The following RNF144A variants were observed in gnomAD, a reference collection of about 807,000 sequenced individuals.
The protein encoded by RNF144A is ring finger protein 144A.
A neutral mutation model predicts 38.7 loss-of-function variants in RNF144A; 11 were observed. That is an observed-to-expected ratio of 0.28 (90% CI 0.18 to 0.47). The LOEUF (loss-of-function observed/expected upper bound fraction) is 0.47. Ranked by LOEUF, RNF144A falls within the 20% of genes least tolerant of loss-of-function variation. The pLI is 0.99. For missense variants in RNF144A, 316 were observed against 377.2 expected (o/e 0.84, Z 1.34); for synonymous variants, 149 against 143.9 (o/e 1.04, Z -0.25).
At chr2:7,035,026 G>A (rs1010080996) in intron 8 of RNF144A, among the ~76,000 whole-genome samples, 3 of 152,202 alleles carry the variant, frequency 2.0e-5, no homozygotes, top group South Asian at 2.1e-4. Context: ...GACTTCTGCT[G>A]AGCCTCTTGG....
At chr2:6,929,931 G>A (rs1266554550) in intron 1 of RNF144A, among the ~76,000 whole-genome samples, 1 of 152,192 alleles carries the variant, frequency 6.6e-6, no homozygotes, top group Non-Finnish European at 1.5e-5. Flanking sequence ...CTGCAGGAAG[G>A]AAATAAATAT....
intron 3 of RNF144A, among the ~76,000 whole-genome samples, chr2:7,006,342 A>T (rs1670439459): frequency 6.6e-6 from 1 of 152,190 alleles, no homozygotes; most frequent in Non-Finnish European, 1.5e-5. Context: ...TTAACAAGAA[A>T]TGACAGTTTG....
intron 3 of RNF144A, among the ~76,000 whole-genome samples, chr2:6,997,746 G>A (rs1408271671): frequency 2.0e-5 from 3 of 152,188 alleles, no homozygotes; most frequent in Non-Finnish European, 4.4e-5. Context: ...AAAAGAAAAT[G>A]AGTGCATAGA....
chr2:7,065,467 G>A (rs984194391), intron 6 of RNF144A, among the ~76,000 whole-genome samples: 1 of 152,338 alleles, frequency 6.6e-6, no homozygotes, highest in Admixed American at 6.5e-5. Context: ...GTGGAAAAAG[G>A]ATGCTGGAAA....
At chr2:7,050,054 T>G (rs1673456038) in intron 6 of RNF144A, among the ~76,000 whole-genome samples, 1 of 152,222 alleles carries the variant, frequency 6.6e-6, no homozygotes, top group South Asian at 2.1e-4. Context: ...GTCATGACTT[T>G]GAAGGAAGAA....
downstream of RNF144A, among the ~76,000 whole-genome samples, chr2:7,069,502 C>A (rs1252587930): frequency 6.6e-6 from 1 of 152,134 alleles, no homozygotes; most frequent in Non-Finnish European, 1.5e-5. Flanking sequence ...TCCCCTGTCT[C>A]TTTGTTGTTG....
chr2:7,061,720 G>A (rs548557372), intron 6 of RNF144A, among the ~76,000 whole-genome samples: 14 of 152,140 alleles, frequency 9.2e-5, no homozygotes, highest in Non-Finnish European at 1.8e-4. Context: ...CTTTGGTAAC[G>A]ATGGCATTGC....
intron 1 of RNF144A, among the ~76,000 whole-genome samples, chr2:6,928,580 G>C (rs907186230): frequency 1.3e-5 from 2 of 152,164 alleles, no homozygotes; most frequent in Non-Finnish European, 2.9e-5. Context: ...TCTAGCCCAC[G>C]TACTGCTGTC....
At chr2:6,978,365 A>G (rs986859142) in intron 2 of RNF144A, among the ~76,000 whole-genome samples, 2 of 152,190 alleles carry the variant, frequency 1.3e-5, no homozygotes, top group Non-Finnish European at 2.9e-5. Flanking sequence ...TATCATTTCA[A>G]CAAGATCCTT....
At chr2:7,030,873 A>G (rs1335902457) in intron 8 of RNF144A, among the ~76,000 whole-genome samples, 1 of 151,980 alleles carries the variant, frequency 6.6e-6, no homozygotes, top group Non-Finnish European at 1.5e-5. Context: ...AGATGGTCCC[A>G]TCTGAGGGTG....
chr2:7,025,538 G>C (rs1268382978), intron 7 of RNF144A, among the ~76,000 whole-genome samples: 1 of 152,076 alleles, frequency 6.6e-6, no homozygotes, highest in Non-Finnish European at 1.5e-5. Flanking sequence ...CAGTCATGGT[G>C]GCATGCACCT....
intron 6 of RNF144A, among the ~76,000 whole-genome samples, chr2:7,055,303 A>AG (rs1673696494): frequency 6.6e-6 from 1 of 152,182 alleles, no homozygotes; most frequent in African/African-American, 2.4e-5. Flanking sequence ...CTGCAGTTTC[A>AG]CACACTGAAT....
At position 6,962,072 on chromosome 2, in the gene RNF144A, G is replaced by A. The variant is rs543064718; in HGVS notation, c.-12+20925G>A. On this transcript the variant is annotated intron_variant, in intron 2 of 8. Coordinates refer to ENST00000320892, the MANE Select transcript of RNF144A (RefSeq NM_014746.6). The surrounding 1 kb of genome is among the most constrained non-coding windows in gnomAD (Gnocchi z 4.1). Reference sequence around the variant, plus strand: ...AGAATAGCTCTCCGCTACAGAGAGCGGTCCTGGAAAAATGCGTTGTGGGAT... The same window carrying A: ...AGAATAGCTCTCCGCTACAGAGAGCAGTCCTGGAAAAATGCGTTGTGGGAT... Among the ~76,000 whole-genome samples, 5 of 152,272 alleles carry A rather than the reference G, an allele frequency of 3.3e-5. No homozygotes were observed. The highest frequency in any genetic ancestry group is 2.1e-4 in the South Asian group (1 of 4,834).
Position 7,039,725 on chromosome 2 carries a change from T to C in RNF144A, c.844T>C (p.Cys282Arg), listed in dbSNP as rs759872373. The change falls in exon 9 of 9, where the codon TGC becomes CGC. Residue 282 changes from cysteine (C) to arginine (R), a missense_variant. Physicochemically the swap from Cys to Arg is radical, Grantham distance 180 (BLOSUM62 -3). Transcript: ENST00000320892. ...TPFVLCCKCK[C>R]SKGDDDPLPT ...CTTTGTACTTTGCTGCAAGTGCAAG[T>C]GCAGTAAAGGTGACGACGACCCGTT... 1 of 1,614,018 alleles carries C rather than the reference T, an allele frequency of 6.2e-7. No individual in the cohort carries two copies. Among genetic ancestry groups the C allele is most frequent in the South Asian group, 1.1e-5 (1 of 91,070 alleles).
intron 2 of RNF144A, among the ~76,000 whole-genome samples, chr2:6,952,264 C>T (rs139706451): frequency 6.6e-6 from 1 of 152,138 alleles, no homozygotes; most frequent in African/African-American, 2.4e-5. Context: ...TGTTTAAATA[C>T]ACATCTGACA....
intron 8 of RNF144A, among the ~76,000 whole-genome samples, chr2:7,039,049 G>GGA (rs1205265866): frequency 6.6e-6 from 1 of 151,800 alleles, no homozygotes; most frequent in East Asian, 1.9e-4. Context: ...GTGGATGGAT[G>GGA]GAGAGAGAGA....
chr2:6,947,922 G>A (rs947086100), intron 2 of RNF144A, among the ~76,000 whole-genome samples: 1 of 152,214 alleles, frequency 6.6e-6, no homozygotes, highest in Non-Finnish European at 1.5e-5. Context: ...GAAGGATGGG[G>A]AAACTGTTCA....
rs1671444765 is a variant in RNF144A, at chr2:7,020,474, G to A, written c.303G>A (p.Glu101=). The change falls in exon 6 of 9, where the codon GAG becomes GAA. Residue 101 remains glutamate, a splice_region_variant and synonymous_variant. Transcript: ENST00000320892. ...GTCCATTTTGTCTCACTGTACCAGA[G>A]GTGCTGTTTGATCCCTGTCGGACTT... ...QRYKKLQFER[E]VLFDPCRTWC... is the part of the protein sequence containing the mutation. The A allele has an allele frequency of 1.2e-6, 2 of 1,613,448 alleles. No homozygotes were observed. The highest frequency in any genetic ancestry group is 1.7e-6 in the Non-Finnish European group (2 of 1,179,808).
intron 1 of RNF144A, among the ~76,000 whole-genome samples, chr2:6,933,673 G>GT (rs146567195): frequency 0.62 from 91,940 of 149,070 alleles, 28,530 homozygotes; most frequent in Middle Eastern, 0.7. Flanking sequence ...TTGCCCACAG[G>GT]TTTTTTTTTT....
Sources: allele counts gnomAD v4.1 joint callset (sites outside exome capture counted in the v4.1 genomes callset), GRCh38; gene constraint gnomAD v4.1.1; non-coding constraint Gnocchi (gnomAD v3.1); transcripts MANE v1.5; gene names NCBI Gene and HGNC (gene_info 2026-07-23, HGNC 2026-07-21).